HECTD4: variants seen among roughly 807,000 people sequenced by gnomAD.
HECTD4 encodes probable E3 ubiquitin-protein ligase HECTD4.
A neutral mutation model predicts 471.5 loss-of-function variants in HECTD4; 114 were observed. The observed-to-expected ratio is 0.24, with a 90% CI of 0.21 to 0.28. The LOEUF (loss-of-function observed/expected upper bound fraction) is 0.28. Among genes scored for constraint, HECTD4 ranks in the 10% least tolerant of loss-of-function variants. The pLI is 1.00. For missense variants in HECTD4, 3,866 were observed against 5,651.5 expected (o/e 0.68, Z 10.13); for synonymous variants, 2,012 against 2,256.0 (o/e 0.89, Z 3.07).
At chr12:112,373,238 T>TC (rs1452832501) in intron 1 of HECTD4, among the ~76,000 whole-genome samples, 7 of 152,174 alleles carry the variant, frequency 4.6e-5, no homozygotes, top group Non-Finnish European at 1.0e-4. Context: ...TTTCCTCATT[T>TC]ATAAAATAAA....
chr12:112,303,605 T>C (rs1346667368), intron 7 of HECTD4, among the ~76,000 whole-genome samples: 3 of 152,002 alleles, frequency 2.0e-5, no homozygotes, highest in Non-Finnish European at 4.4e-5. Flanking sequence ...ATCCTAGCAC[T>C]TTGGGAGGCT....
chr12:112,243,590 T>G lies in HECTD4; in HGVS notation c.4791+30A>C. On this transcript the variant is annotated intron_variant, in intron 31 of 75. Transcript: ENST00000682272. The surrounding 1 kb of genome is among the most constrained non-coding windows in gnomAD (Gnocchi z 6.6). ...AGACCCCGCATGCTGTTAGGTGCTA[T>G]TCATCTGGAGCCCGCAAAATGTGAC... The G allele has an allele frequency of 6.2e-7, 1 of 1,605,338 alleles. No individual in the cohort carries two copies. The highest frequency in any genetic ancestry group is 8.5e-7 in the Non-Finnish European group (1 of 1,175,162).
rs1410867761 is a variant in HECTD4, at chr12:112,190,853, T to C, written c.9405A>G (p.Glu3135=). ...QLLSWKSEDS[E]GKSEDEPDTI... ...TGTCAGGCTCATCTTCGGACTTCCC[T>C]TCACTGTCCTCTGATTTCCAGGACA... The change falls in exon 60 of 76, where the codon GAA becomes GAG. Residue 3135 remains glutamate, a synonymous_variant. Coordinates refer to ENST00000682272, the MANE Select transcript of HECTD4 (RefSeq NM_001388303.1). The C allele has an allele frequency of 1.9e-6, 3 of 1,584,636 alleles. No homozygotes were observed. The highest frequency in any genetic ancestry group is 2.6e-6 in the Non-Finnish European group (3 of 1,165,486).
In HECTD4 at chr12:112,161,682, TC is replaced by T. The variant is rs1474823481; in HGVS notation, c.*704del. ...TAAGGTCGGGATGAACCCTTAAGTC[TC>T]CTGCTCCCGAGGAGGCCTCAGATGA... On this transcript the variant is annotated 3_prime_UTR_variant, in exon 76 of 76. Coordinates refer to ENST00000682272, the MANE Select transcript of HECTD4 (RefSeq NM_001388303.1). 1 of 152,140 alleles carries T rather than the reference TC, an allele frequency of 6.6e-6. No homozygotes were observed. Among genetic ancestry groups the T allele is most frequent in the African/African-American group, 2.4e-5 (1 of 41,410 alleles). 9.4% of individuals were successfully genotyped at this position (152,140 alleles called of 1,614,324 possible).
At chr12:112,286,369 T>C (rs1445069704) in intron 7 of HECTD4, among the ~76,000 whole-genome samples, 6 of 152,172 alleles carry the variant, frequency 3.9e-5, no homozygotes, top group African/African-American at 1.4e-4. Context: ...GCATAGCCAG[T>C]GATCATTTAA....
intron 7 of HECTD4, among the ~76,000 whole-genome samples, chr12:112,294,262 G>A (rs1244429271): frequency 2.0e-5 from 3 of 152,028 alleles, no homozygotes; most frequent in African/African-American, 7.3e-5. Flanking sequence ...ATTCCTTCCA[G>A]TAATTATTAT....
At chr12:112,167,199 T>C in intron 72 of HECTD4, 118 bp downstream of exon 72, 1 of 843,772 alleles carries the variant, frequency 1.2e-6, no homozygotes, top group Non-Finnish European at 1.9e-6. Context: ...ACCCCTAAGG[T>C]CCTCTGTGGG....
At chr12:112,246,506 C>T (rs537966432) in intron 29 of HECTD4, among the ~76,000 whole-genome samples, 24 of 152,126 alleles carry the variant, frequency 1.6e-4, no homozygotes, top group African/African-American at 5.8e-4. Context: ...TGGTGGCATG[C>T]GCCTGTAATC....
In HECTD4 at chr12:112,274,977, TA is replaced by T. The variant is rs1445530968; in HGVS notation, c.1688-18del. ...AGGCTAGGACTTTGGAAACAAACATTAAGCTGTTTAATGAGCCTGAAGATTA... is the reference window on the plus strand; with the variant it reads ...AGGCTAGGACTTTGGAAACAAACATTAGCTGTTTAATGAGCCTGAAGATTA... On this transcript the variant is annotated intron_variant, in intron 9 of 75. Coordinates refer to ENST00000682272, the MANE Select transcript of HECTD4 (RefSeq NM_001388303.1). The T allele has an allele frequency of 5.0e-6, 7 of 1,398,746 alleles. No homozygotes were observed. The highest frequency in any genetic ancestry group is 6.9e-6 in the Non-Finnish European group (7 of 1,010,564). The allele number at this position is 1,398,746 out of a possible 1,614,324, so 86.6% of individuals were successfully genotyped here.
intron 8 of HECTD4, 92 bp from the exon 9 acceptor site, chr12:112,279,478 C>A: frequency 9.8e-7 from 1 of 1,019,238 alleles, no homozygotes; most frequent in Non-Finnish European, 1.4e-6. Flanking sequence ...GAGGGAGACC[C>A]AAACTCAAAC....
At chr12:112,190,089 GA>G (rs1296105403) in intron 60 of HECTD4, among the ~76,000 whole-genome samples, 1 of 152,120 alleles carries the variant, frequency 6.6e-6, no homozygotes, top group African/African-American at 2.4e-5. Context: ...CAACATTATG[GA>G]AAAATTCAAA....
intron 62 of HECTD4, among the ~76,000 whole-genome samples, chr12:112,181,879 G>A (rs912125599): frequency 6.6e-6 from 1 of 152,044 alleles, no homozygotes; most frequent in Admixed American, 6.5e-5. Context: ...ATCACCTGAG[G>A]TCAGGAGTTC....
chr12:112,167,019 C>A, intron 72 of HECTD4: 1 of 309,302 alleles, frequency 3.2e-6, no homozygotes, highest in Non-Finnish European at 5.9e-6. Flanking sequence ...TCTCCCAGTG[C>A]CTGTTCACTC....
Position 112,273,690 on chromosome 12 carries a change from C to T in HECTD4, c.1907G>A (p.Arg636Lys). ...GNQAFHYVCQ[R>K]LGVSHIITEP... ...AGTGATAATGTGACTGACTCCAAGTCTCTGGCAGACATAATGGAAGGCTTG... is the reference window on the plus strand; with the variant it reads ...AGTGATAATGTGACTGACTCCAAGTTTCTGGCAGACATAATGGAAGGCTTG... The change falls in exon 11 of 76, where the codon AGA becomes AAA. Residue 636 changes from arginine (R) to lysine (K), a missense_variant. By Grantham distance (26) the Arg-to-Lys change is conservative. Coordinates refer to ENST00000682272, the MANE Select transcript of HECTD4 (RefSeq NM_001388303.1). The T allele has an allele frequency of 1.2e-6, 2 of 1,613,984 alleles. No individual in the cohort carries two copies. The highest frequency in any genetic ancestry group is 1.7e-6 in the Non-Finnish European group (2 of 1,179,866).
intron 1 of HECTD4, among the ~76,000 whole-genome samples, chr12:112,366,397 A>C (rs1158606234): frequency 6.6e-6 from 1 of 151,988 alleles, no homozygotes; most frequent in Non-Finnish European, 1.5e-5. Context: ...GTGTGAGCCT[A>C]TAGTCCCAGC....
At position 112,252,336 on chromosome 12, in the gene HECTD4, C is replaced by T. The variant is rs562896671; in HGVS notation, c.3552+88G>A. 6.4e-5 allele frequency: 86 copies of T among 1,341,122 alleles called. No homozygotes were observed. In the South Asian group the frequency reaches 1.3e-3, roughly 20 times the overall value. The allele number at this position is 1,341,122 out of a possible 1,614,324, so 83.1% of individuals were successfully genotyped here. On this transcript the variant is annotated intron_variant, in intron 23 of 75. Transcript: ENST00000682272. ...AGATGAAAGAGTGACTCATATTCTG[C>T]CCTGTTTCCAAGGCAAATATGCTGT...
chr12:112,192,731 G>A lies in HECTD4; in HGVS notation c.9121C>T (p.Leu3041Phe). The A allele has an allele frequency of 2.5e-6, 4 of 1,594,476 alleles. No homozygotes were observed. In the South Asian group the frequency reaches 3.4e-5, roughly 14 times the overall value. Residue 3041 changes from leucine to phenylalanine, a missense_variant, in exon 59 of 76, where the codon CTC becomes TTC. Physicochemically the swap from Leu to Phe is conservative, Grantham distance 22. This residue lies in a region of HECTD4 where 364 missense variants were observed against 413.2 expected (regional missense o/e 0.88). Coordinates refer to ENST00000682272, the MANE Select transcript of HECTD4 (RefSeq NM_001388303.1). ...ACTTTGTGGCCGAGGCCATATACGA[G>A]CACCCGTGCCCACGGTGCCTTGTAC... ...SLYKAPWARV[L>F]VYGLGHKVKR...
In HECTD4 at chr12:112,247,396, A is replaced by C. The variant is rs1409064345; in HGVS notation, c.4337+66T>G. ...TTAAAAATATATCTATTAAGAGACTAGACCTTTACAGTGTGTTTTGAGCAT... is the reference window on the plus strand; with the variant it reads ...TTAAAAATATATCTATTAAGAGACTCGACCTTTACAGTGTGTTTTGAGCAT... On this transcript the variant is annotated intron_variant, in intron 28 of 75. Coordinates refer to ENST00000682272, the MANE Select transcript of HECTD4 (RefSeq NM_001388303.1). 66 of 736,824 alleles carry C rather than the reference A, an allele frequency of 9.0e-5. No individual in the cohort carries two copies. The East Asian group carries it at 1.9e-3, about 21-fold the overall frequency. 45.6% of individuals were successfully genotyped at this position (736,824 alleles called of 1,614,324 possible). A position where few individuals can be genotyped will look rare whatever the true frequency, so the allele number is the denominator to read the frequency against.
chr12:112,328,617 A>T (rs2035792618), intron 1 of HECTD4, among the ~76,000 whole-genome samples: 1 of 152,238 alleles, frequency 6.6e-6, no homozygotes, highest in African/African-American at 2.4e-5. Flanking sequence ...ATGCGAGCCA[A>T]GTAAGTACAT....
Sources: allele counts gnomAD v4.1 joint callset (sites outside exome capture counted in the v4.1 genomes callset), GRCh38; gene constraint gnomAD v4.1.1; regional missense constraint gnomAD v4.1.1; non-coding constraint Gnocchi (gnomAD v3.1); transcripts MANE v1.5; gene names NCBI Gene and HGNC (gene_info 2026-07-23, HGNC 2026-07-21).